The following COL4A5 variants were observed in gnomAD, a reference collection of about 807,000 sequenced individuals.
COL4A5 encodes collagen type IV alpha 5 chain.
In COL4A5, 26 loss-of-function variants were observed where a neutral mutation model predicts 130.2. The ratio of observed to expected loss-of-function variants is 0.20; its 90% CI spans 0.15 to 0.28. COL4A5 has a LOEUF of 0.28. COL4A5 is among the 10% of genes least tolerant of loss of function. The pLI is 1.00. For synonymous variants in COL4A5, 496 were observed against 439.6 expected, an observed-to-expected ratio of 1.13 and a Z score of -1.60; for missense variants, 1,131 against 1,344.3, an observed-to-expected ratio of 0.84 and a Z score of 2.48.
intron 29 of COL4A5, among the ~76,000 whole-genome samples, chrX:108,612,330 G>A (rs1398424803): frequency 2.7e-5 from 3 of 110,535 alleles, no homozygotes; most frequent in East Asian, 5.6e-4. Flanking sequence ...TAAATGAAGG[G>A]CATACAGATT....
chrX:108,449,286 C>T (rs773375032), intron 1 of COL4A5, among the ~76,000 whole-genome samples: 23 of 112,029 alleles, frequency 2.1e-4, no homozygotes, highest in Non-Finnish European at 3.9e-4. Flanking sequence ...TTCACAACCT[C>T]ATGAGTTTGT....
chrX:108,528,407 A>C (rs1466337803), intron 1 of COL4A5, among the ~76,000 whole-genome samples: 1 of 112,781 alleles, frequency 8.9e-6, no homozygotes, highest in Non-Finnish European at 1.9e-5. Flanking sequence ...AAAAATAGGA[A>C]GAAATGATTG....
In COL4A5 at chrX:108,566,834, C is replaced by T. The variant is rs1462852234; in HGVS notation, c.277-1795C>T. 6.3e-5 allele frequency among the ~76,000 whole-genome samples: 7 copies of T among 111,200 alleles called. No individual in the cohort carries two copies. In the East Asian group the frequency reaches 1.7e-3, roughly 27 times the overall value. On this transcript the variant is annotated intron_variant, in intron 4 of 52. Transcript: ENST00000328300. ...AAAGTGAGCGGTTTTTATTGCTACT[C>T]GATTTGTCACTGTTTCAATGTCTTC...
chrX:108,654,956 A>G (rs2067808667), intron 36 of COL4A5, among the ~76,000 whole-genome samples: 1 of 112,043 alleles, frequency 8.9e-6, no homozygotes, highest in Non-Finnish European at 1.9e-5. Flanking sequence ...TCACTATAAC[A>G]TGGGAATAAT....
rs188701508 is a variant in COL4A5 at position 108,523,426 on chromosome X, C to G, written c.82-16320C>G. On this transcript the variant is annotated intron_variant, in intron 1 of 52. Coordinates refer to ENST00000328300, the MANE Select transcript of COL4A5 (RefSeq NM_033380.3). ...AGATGTATGGGTTTATTTTTGTAAT[C>G]TCAATTCTGTCCCATTGATCTACAC... Among the ~76,000 whole-genome samples the G allele has an allele frequency of 6.8e-5, 7 of 103,408 alleles. No homozygotes were observed. In the Admixed American group the frequency reaches 7.2e-4, roughly 11 times the overall value. 89.8% of individuals were successfully genotyped at this position (103,408 alleles called of 115,157 possible).
chrX:108,522,934 C>T (rs1257129246), intron 1 of COL4A5, among the ~76,000 whole-genome samples: 4 of 105,131 alleles, frequency 3.8e-5, no homozygotes, highest in African/African-American at 1.0e-4. Flanking sequence ...CTGGAGTTCA[C>T]TGGCTCAATC....
intron 2 of COL4A5, among the ~76,000 whole-genome samples, chrX:108,542,443 T>C (rs1022715167): frequency 5.4e-5 from 6 of 111,412 alleles, no homozygotes; most frequent in Non-Finnish European, 9.4e-5. Context: ...GAACTCATCC[T>C]TTTTTATGGC....
chrX:108,542,794 G>A (rs1340043589), intron 2 of COL4A5, among the ~76,000 whole-genome samples: 11 of 105,212 alleles, frequency 1.0e-4, no homozygotes, highest in African/African-American at 1.5e-4. Context: ...TTTAATGATC[G>A]CCATTCTAAC....
chrX:108,563,461 C>T (rs948683254), intron 3 of COL4A5, among the ~76,000 whole-genome samples: 9 of 111,609 alleles, frequency 8.1e-5, no homozygotes, highest in Non-Finnish European at 1.7e-4. Flanking sequence ...AAGAACAGCA[C>T]ATATTTAGGC....
At chrX:108,466,605 A>AT (rs1282474824) in intron 1 of COL4A5, among the ~76,000 whole-genome samples, 21 of 104,447 alleles carry the variant, frequency 2.0e-4, no homozygotes, top group South Asian at 8.2e-4. Flanking sequence ...GACCATCAGT[A>AT]TTTTTTTTTT....
Position 108,681,901 on chromosome X carries a change from A to G in COL4A5, c.4216+13A>G. The G allele has an allele frequency of 8.4e-7, 1 of 1,194,654 alleles. No homozygotes were observed. ...CAAGGCTTACCAGGTACCAATGCAG[A>G]TCATCTTTATTATCATTATTATACT... On this transcript the variant is annotated intron_variant, in intron 47 of 52. Transcript: ENST00000328300.
intron 49 of COL4A5, among the ~76,000 whole-genome samples, chrX:108,688,997 A>G (rs2068600913): frequency 8.9e-6 from 1 of 111,924 alleles, no homozygotes; most frequent in Middle Eastern, 4.7e-3. Flanking sequence ...GTCAGTGGTC[A>G]TAGGCCATTT....
At chrX:108,620,572 C>G (rs1480942078) in intron 31 of COL4A5, 146 bp downstream of exon 31, 1 of 498,216 alleles carries the variant, frequency 2.0e-6, no homozygotes, top group Non-Finnish European at 3.4e-6. Context: ...AGGAAGCTCA[C>G]TTTGCTATTT....
At chrX:108,612,067 C>A (rs781674999) in intron 29 of COL4A5, among the ~76,000 whole-genome samples, 31 of 111,339 alleles carry the variant, frequency 2.8e-4, no homozygotes, top group African/African-American at 9.7e-4. Context: ...TCAGTAAATC[C>A]TGAAAATTAT....
chrX:108,689,914 A>G (rs993340697), intron 49 of COL4A5: 15 of 753,088 alleles, frequency 2.0e-5, no homozygotes, highest in Non-Finnish European at 2.2e-5. Context: ...TTTGGAGACT[A>G]TAACCCAGAA....
chrX:108,626,669 C>A, intron 36 of COL4A5: 2 of 995,677 alleles, frequency 2.0e-6, no homozygotes, highest in Non-Finnish European at 2.5e-6. Context: ...GAGTTGTTGG[C>A]CTTTGTCCTA....
At chrX:108,617,333 A>T in intron 30 of COL4A5, among the ~76,000 whole-genome samples, 1 of 111,973 alleles carries the variant, frequency 8.9e-6, no homozygotes, top group East Asian at 2.8e-4. Context: ...TAATAAGCTT[A>T]TTTAATATAC....
At chrX:108,671,062 G>C (rs1303362930) in intron 42 of COL4A5, among the ~76,000 whole-genome samples, 1 of 110,640 alleles carries the variant, frequency 9.0e-6, no homozygotes, top group East Asian at 2.8e-4. Flanking sequence ...AATGCAACCA[G>C]CACAGATTAC....
At chrX:108,568,481 T>C in intron 4 of COL4A5, 148 bp from the exon 5 acceptor site, 2 of 472,604 alleles carry the variant, frequency 4.2e-6, no homozygotes. Flanking sequence ...TTTTCTCTAA[T>C]GTTTCAAAGA....
Sources: allele counts gnomAD v4.1 joint callset (sites outside exome capture counted in the v4.1 genomes callset), GRCh38; gene constraint gnomAD v4.1.1; transcripts MANE v1.5; gene names NCBI Gene and HGNC (gene_info 2026-07-23, HGNC 2026-07-21).